The following SH2D4A variants were observed in gnomAD, a reference collection of about 807,000 sequenced individuals.
SH2D4A encodes the protein SH2 domain containing 4A.
In SH2D4A, 70 loss-of-function variants were observed where a neutral mutation model predicts 64.7. The ratio of observed to expected loss-of-function variants is 1.08; its 90% CI spans 0.89 to 1.32. The LOEUF is 1.32. Ranked by LOEUF, SH2D4A falls within the 40% of genes most tolerant of loss-of-function variation. SH2D4A has a pLI of 0.00. For synonymous variants in SH2D4A, 268 were observed against 200.7 expected, an observed-to-expected ratio of 1.34 and a Z score of -2.83; for missense variants, 706 against 540.1, an observed-to-expected ratio of 1.31 and a Z score of -3.04.
chr8:19,394,547 C>T lies in SH2D4A; in HGVS notation c.1273-3C>T, dbSNP rs184169364. ...ATCTGACCCCGTGCCTTCTGATTGA[C>T]AGGAGGAACCCATCACTTCCCTGGG... On this transcript the variant is annotated splice_polypyrimidine_tract_variant and splice_region_variant and intron_variant, in intron 9 of 9. Transcript: ENST00000265807. 2.0e-5 allele frequency: 32 copies of T among 1,601,298 alleles called. No homozygotes were observed. Among genetic ancestry groups the T allele is most frequent in the Non-Finnish European group, 2.6e-5 (31 of 1,172,476 alleles).
chr8:19,363,991 C>A, intron 6 of SH2D4A, 81 bp from the exon 7 acceptor site: 2 of 1,331,010 alleles, frequency 1.5e-6, no homozygotes, highest in Non-Finnish European at 2.1e-6. Flanking sequence ...TGCGCTGCTG[C>A]CCGTTGTGCA....
At chr8:19,382,524 G>C (rs2153651245) in intron 8 of SH2D4A, among the ~76,000 whole-genome samples, 1 of 152,252 alleles carries the variant, frequency 6.6e-6, no homozygotes, top group Non-Finnish European at 1.5e-5. Context: ...CTTTGTGTTA[G>C]ATGATTTTGC....
chr8:19,314,981 A>G (rs1376563630), intron 1 of SH2D4A, among the ~76,000 whole-genome samples: 1 of 152,162 alleles, frequency 6.6e-6, no homozygotes, highest in Admixed American at 6.5e-5. Flanking sequence ...TTCAAACTGT[A>G]TTGTTAATGT....
chr8:19,335,925 G>T (rs34326041), intron 4 of SH2D4A, among the ~76,000 whole-genome samples: 21,805 of 152,162 alleles, frequency 0.14, 1,736 homozygotes, highest in African/African-American at 0.21. Context: ...GGGATTTGCA[G>T]TTGTTTGATT....
intron 8 of SH2D4A, among the ~76,000 whole-genome samples, chr8:19,392,899 G>A (rs989762606): frequency 1.2e-4 from 18 of 151,948 alleles, no homozygotes; most frequent in East Asian, 1.9e-4. Context: ...TCGCCAAAAC[G>A]CCCGGCTAAT....
chr8:19,371,117 G>C (rs2053088025), intron 7 of SH2D4A, among the ~76,000 whole-genome samples: 1 of 151,952 alleles, frequency 6.6e-6, no homozygotes, highest in African/African-American at 2.4e-5. Flanking sequence ...TTCATATTAA[G>C]TTCGTTTTTA....
At chr8:19,387,602 C>T (rs181740978) in intron 8 of SH2D4A, among the ~76,000 whole-genome samples, 23 of 152,320 alleles carry the variant, frequency 1.5e-4, no homozygotes, top group African/African-American at 4.1e-4. Flanking sequence ...TTTCTTCTGA[C>T]ACAGCCAGAT....
At chr8:19,386,328 A>G (rs150570763) in intron 8 of SH2D4A, among the ~76,000 whole-genome samples, 1 of 152,346 alleles carries the variant, frequency 6.6e-6, no homozygotes, top group Non-Finnish European at 1.5e-5. Context: ...TTTCTGCAGA[A>G]CATTCTATGT....
chr8:19,382,341 A>G (rs915308691), intron 8 of SH2D4A, among the ~76,000 whole-genome samples: 1 of 152,166 alleles, frequency 6.6e-6, no homozygotes, highest in African/African-American at 2.4e-5. Context: ...GAATATGCAG[A>G]TAGTCCTCCA....
At chr8:19,361,085 T>G in intron 5 of SH2D4A, 118 bp from the exon 6 acceptor site, 1 of 540,088 alleles carries the variant, frequency 1.9e-6, no homozygotes, top group South Asian at 2.2e-5. Flanking sequence ...GCCAGAGAGT[T>G]AGATAGAAGT....
At chr8:19,363,741 A>C (rs893132123) in intron 6 of SH2D4A, 2 of 356,534 alleles carry the variant, frequency 5.6e-6, no homozygotes, top group African/African-American at 4.2e-5. Flanking sequence ...GCTTGAACCC[A>C]TGCTCAGGCG....
chr8:19,348,712 C>T (rs2052649958), intron 4 of SH2D4A, among the ~76,000 whole-genome samples: 1 of 152,172 alleles, frequency 6.6e-6, no homozygotes, highest in Non-Finnish European at 1.5e-5. Context: ...TGAATAGCAA[C>T]AAAAGTTTTT....
chr8:19,369,314 TTGTC>T (rs2053055746), intron 7 of SH2D4A, among the ~76,000 whole-genome samples: 1 of 152,044 alleles, frequency 6.6e-6, no homozygotes, highest in South Asian at 2.1e-4. Context: ...TGTTGTGTCT[TTGTC>T]TGGTTTTGAT....
intron 8 of SH2D4A, among the ~76,000 whole-genome samples, chr8:19,376,523 GA>G (rs1370885218): frequency 6.6e-6 from 1 of 152,170 alleles, no homozygotes; most frequent in African/African-American, 2.4e-5. Context: ...TCGGGAGGCT[GA>G]GGCAGGAGAA....
At chr8:19,377,295 T>C (rs1162014490) in intron 8 of SH2D4A, among the ~76,000 whole-genome samples, 1 of 152,192 alleles carries the variant, frequency 6.6e-6, no homozygotes, top group African/African-American at 2.4e-5. Flanking sequence ...GGCAGGAGAA[T>C]TGCTTGAACG....
chr8:19,329,922 G>C (rs1190963971), intron 2 of SH2D4A, among the ~76,000 whole-genome samples: 2 of 152,140 alleles, frequency 1.3e-5, no homozygotes, highest in African/African-American at 4.8e-5. Flanking sequence ...GTCTTTATCA[G>C]CAACTTGAAA....
At chr8:19,369,507 C>T (rs1024210888) in intron 7 of SH2D4A, among the ~76,000 whole-genome samples, 1 of 151,838 alleles carries the variant, frequency 6.6e-6, no homozygotes, top group African/African-American at 2.4e-5. Context: ...GATTCAGTCT[C>T]GTTAGTCATT....
intron 2 of SH2D4A, among the ~76,000 whole-genome samples, chr8:19,326,710 C>T (rs1264521086): frequency 1.3e-5 from 2 of 151,906 alleles, no homozygotes; most frequent in Non-Finnish European, 2.9e-5. Context: ...CCTGCCTCTC[C>T]CCCCTCTCGC....
chr8:19,341,147 C>T (rs1295359604), intron 4 of SH2D4A, among the ~76,000 whole-genome samples: 1 of 152,152 alleles, frequency 6.6e-6, no homozygotes, highest in Non-Finnish European at 1.5e-5. Context: ...CATCACTGCC[C>T]CCAGGCCTTC....
Sources: allele counts gnomAD v4.1 joint callset (sites outside exome capture counted in the v4.1 genomes callset), GRCh38; gene constraint gnomAD v4.1.1; transcripts MANE v1.5; gene names NCBI Gene and HGNC (gene_info 2026-07-23, HGNC 2026-07-21).